FLNC: variants seen among roughly 807,000 people sequenced by gnomAD.
FLNC encodes the protein filamin C.
Under a neutral mutation model 254.3 loss-of-function variants are expected in FLNC, and 91 were observed. That is an observed-to-expected ratio of 0.36 (90% CI 0.30 to 0.43). The LOEUF is 0.43. FLNC is among the 20% of genes least tolerant of loss of function. FLNC has a pLI of 1.00. For synonymous variants in FLNC, 1,430 were observed against 1,577.2 expected, an observed-to-expected ratio of 0.91 and a Z score of 2.21; for missense variants, 2,853 against 3,802.6, an observed-to-expected ratio of 0.75 and a Z score of 6.57.
rs1250900464 is a variant in FLNC at position 128,852,818 on chromosome 7, C to T, written c.6005-10C>T. On this transcript the variant is annotated splice_polypyrimidine_tract_variant and intron_variant, in intron 36 of 47. Coordinates refer to ENST00000325888, the MANE Select transcript of FLNC (RefSeq NM_001458.5). The stretch of plus-strand genomic sequence containing the variant: ...CACAGGATGCTCTGCCTAACACCCA[C>T]TTTCCACAGGGATCTCCTTCACCCC... 5 of 1,613,860 alleles carry T rather than the reference C, an allele frequency of 3.1e-6. No individual in the cohort carries two copies. The highest frequency in any genetic ancestry group is 3.4e-6 in the Non-Finnish European group (4 of 1,180,034).
rs1284761356 is a variant in FLNC, at chr7:128,830,653, G to A, written c.16G>A (p.Gly6Ser). MMNNS[G>S]YSDAGLGLGD... ...CCGCGCCAGCATGATGAACAACAGCGGCTACTCAGACGCCGGCCTCGGCCT... is the reference window on the plus strand; with the variant it reads ...CCGCGCCAGCATGATGAACAACAGCAGCTACTCAGACGCCGGCCTCGGCCT... Residue 6 changes from glycine (G) to serine (S), a missense_variant, in exon 1 of 48, where the codon GGC becomes AGC. By Grantham distance (56) the Gly-to-Ser change is moderately conservative. Coordinates refer to ENST00000325888, the MANE Select transcript of FLNC (RefSeq NM_001458.5). The A allele has an allele frequency of 6.2e-7, 1 of 1,612,272 alleles. No individual in the cohort carries two copies. The highest frequency in any genetic ancestry group is 1.3e-5 in the African/African-American group (1 of 75,048).
chr7:128,850,018 C>T lies in FLNC; in HGVS notation c.5242C>T (p.Pro1748Ser), dbSNP rs1380018208. ...LPHEEEPSEV[P>S]QLRQPYAPPR... Reference sequence around the variant, plus strand: ...GCACGAGGAGGAGCCCTCTGAAGTGCCACAGCTGCGCCAGCCCTACGCTCC... The same window carrying T: ...GCACGAGGAGGAGCCCTCTGAAGTGTCACAGCTGCGCCAGCCCTACGCTCC... Residue 1748 changes from proline (P) to serine (S), a missense_variant, in exon 31 of 48, where the codon CCA (proline) becomes TCA (serine). Coordinates refer to ENST00000325888, the MANE Select transcript of FLNC (RefSeq NM_001458.5). The T allele has an allele frequency of 1.3e-6, 2 of 1,572,410 alleles. No individual in the cohort carries two copies. Among genetic ancestry groups the T allele is most frequent in the East Asian group, 2.3e-5 (1 of 43,186 alleles).
intron 32 of FLNC, 118 bp from the exon 33 acceptor site, chr7:128,850,685 G>A: frequency 6.7e-7 from 1 of 1,493,208 alleles, no homozygotes; most frequent in Non-Finnish European, 9.2e-7. Context: ...GCCACAGGCT[G>A]TCTCTTGATG....
chr7:128,847,563 G>A (rs773560139), intron 24 of FLNC, 134 bp from the exon 25 acceptor site: 11 of 977,892 alleles, frequency 1.1e-5, no homozygotes, highest in Non-Finnish European at 1.8e-5. Flanking sequence ...CAAGTTCCTA[G>A]CCATTTTCCC....
chr7:128,839,998 A>G (rs767087470), intron 8 of FLNC, 25 bp from the exon 9 acceptor site: 31 of 1,609,716 alleles, frequency 1.9e-5, no homozygotes, highest in Non-Finnish European at 2.6e-5. Context: ...CAGCACCCCC[A>G]ACCTCCTTTC....
chr7:128,845,381 G>A (rs1808518263), intron 21 of FLNC, 126 bp downstream of exon 21: 2 of 799,964 alleles, frequency 2.5e-6, no homozygotes, highest in Admixed American at 2.0e-5. Context: ...GGCTCTCGGA[G>A]CAGCCCCAGA....
At chr7:128,851,412 G>A (rs1808806265) in intron 34 of FLNC, 43 bp from the exon 35 acceptor site, 9 of 1,614,020 alleles carry the variant, frequency 5.6e-6, no homozygotes, top group Non-Finnish European at 7.6e-6. Flanking sequence ...AGGGGCAGGG[G>A]TGAGGGCAGG....
intron 8 of FLNC, 79 bp downstream of exon 8, chr7:128,838,882 C>T (rs534519690): frequency 8.3e-5 from 115 of 1,388,884 alleles, no homozygotes; most frequent in Middle Eastern, 2.4e-4. Context: ...AGAGCTGGGG[C>T]GGGGGTCTGC....
Position 128,838,063 on chromosome 7 carries a change from A to G in FLNC, c.1046A>G (p.Lys349Arg). 6.2e-7 allele frequency: 1 copy of G among 1,612,832 alleles called. No individual in the cohort carries two copies. The highest frequency in any genetic ancestry group is 8.5e-7 in the Non-Finnish European group (1 of 1,179,006). Residue 349 changes from lysine (K) to arginine (R), a missense_variant and splice_region_variant, in exon 6 of 48, where the codon AAG (lysine) becomes AGG (arginine). Physicochemically the swap from Lys to Arg is conservative, Grantham distance 26. Coordinates refer to ENST00000325888, the MANE Select transcript of FLNC (RefSeq NM_001458.5). ...SYVPKVAGLH[K>R]VTVLFAGQNI... ...GTGCCCAAGGTCGCTGGGTTACACA[A>G]GGTATCTCCCTCTAGGCCCCCCTGC...
rs370643162 is a variant in FLNC, at chr7:128,847,711, G to A, written c.4303G>A (p.Val1435Met). Residue 1435 changes from valine (V) to methionine (M), a missense_variant, in exon 25 of 48, where the codon GTG (valine) becomes ATG (methionine). Physicochemically the swap from Val to Met is conservative, Grantham distance 21. Coordinates refer to ENST00000325888, the MANE Select transcript of FLNC (RefSeq NM_001458.5). Reference sequence around the variant, plus strand: ...TCTCCTCACAGGGAGCCCGTTCCGCGTGCCAGTGAAGGATGTGGTGGACCC... The same window carrying A: ...TCTCCTCACAGGGAGCCCGTTCCGCATGCCAGTGAAGGATGTGGTGGACCC... Reference protein sequence around the residue: ...GRPIPGSPFRVPVKDVVDPGK... With the variant: ...GRPIPGSPFRMPVKDVVDPGK... 24 of 1,613,966 alleles carry A rather than the reference G, an allele frequency of 1.5e-5. No individual in the cohort carries two copies. The highest frequency in any genetic ancestry group is 1.8e-5 in the Non-Finnish European group (21 of 1,179,970).
In FLNC at chr7:128,840,561, G is replaced by A. The variant is rs755030209; in HGVS notation, c.1563G>A (p.Glu521=). 7.4e-6 allele frequency: 12 copies of A among 1,614,218 alleles called. No individual in the cohort carries two copies. The East Asian group carries it at 8.9e-5, about 12-fold the overall frequency. ...CCATCTCCTCAGAGGGCACAGAGGA[G>A]CCAGTGAAGGTGCGGGAGGCTGGGG... ...VTVKGPKGTE[E]PVKVREAGDG... is the part of the protein sequence containing the mutation. Residue 521 remains glutamate (E), a synonymous_variant, in exon 10 of 48, where the codon GAG becomes GAA. Coordinates refer to ENST00000325888, the MANE Select transcript of FLNC (RefSeq NM_001458.5).
chr7:128,854,898 T>C lies in FLNC; in HGVS notation c.7121T>C (p.Val2374Ala). 6.2e-7 allele frequency: 1 copy of C among 1,614,040 alleles called. No individual in the cohort carries two copies. The change falls in exon 42 of 48, where the codon GTC (valine) becomes GCC (alanine). Residue 2374 changes from valine (V) to alanine (A), a missense_variant. Around this residue, in one of 10 missense-constraint regions of FLNC, gnomAD observed 551 missense variants for 835.0 expected, o/e 0.66. Transcript: ENST00000325888. Reference sequence around the variant, plus strand: ...GATGGCTCCTGCGGCGTCTCCTATGTCGTCCAGGAACCAGGTGGGCGTCCA... The same window carrying C: ...GATGGCTCCTGCGGCGTCTCCTATGCCGTCCAGGAACCAGGTGGGCGTCCA... ...RKDGSCGVSY[V>A]VQEPGDYEVS...
Position 128,845,042 on chromosome 7 carries a change from C to G in FLNC, c.3577C>G (p.Leu1193Val). Residue 1193 changes from leucine (L) to valine (V), a missense_variant, in exon 21 of 48, where the codon CTG (leucine) becomes GTG (valine). Physicochemically the swap from Leu to Val is conservative, Grantham distance 32. Around this residue, in one of 10 missense-constraint regions of FLNC, gnomAD observed 1,573 missense variants for 1,883.5 expected, o/e 0.84. Transcript: ENST00000325888. ...AGEAELTIEILSDAGVKAEVL... is the reference protein window; with the variant it reads ...AGEAELTIEIVSDAGVKAEVL... ...CGAGGCGGAGCTGACCATTGAGATC[C>G]TGTCGGATGCCGGGGTCAAGGCCGA... The G allele has an allele frequency of 1.2e-6, 2 of 1,613,850 alleles. No individual in the cohort carries two copies. Among genetic ancestry groups the G allele is most frequent in the Non-Finnish European group, 1.7e-6 (2 of 1,180,040 alleles).
At position 128,842,266 on chromosome 7, in the gene FLNC, C is replaced by A. The variant is rs763609852; in HGVS notation, c.2157C>A (p.Ile719=). 7 of 1,613,780 alleles carry A rather than the reference C, an allele frequency of 4.3e-6. No individual in the cohort carries two copies. The South Asian group carries it at 5.5e-5, about 13-fold the overall frequency. Residue 719 remains isoleucine (I), a synonymous_variant, in exon 14 of 48, where the codon ATC becomes ATA. Transcript: ENST00000325888. The surrounding 1 kb of genome is among the most constrained non-coding windows in gnomAD (Gnocchi z 5.4). ...ADGCPIDIKV[I]PNGDGTFRCS... ...GCTGTCCCATCGACATCAAGGTGAT[C>A]CCCAACGGCGACGGCACCTTCCGCT... is the stretch of plus-strand genomic sequence containing the variant.
intron 35 of FLNC, among the ~76,000 whole-genome samples, chr7:128,852,172 C>G (rs141102443): frequency 6.6e-6 from 1 of 152,144 alleles, no homozygotes; most frequent in Non-Finnish European, 1.5e-5. Flanking sequence ...CATGAAGTCA[C>G]TCTTAAGAAG....
Position 128,856,876 on chromosome 7 carries a change from G to A in FLNC, c.7516G>A (p.Gly2506Ser), listed in dbSNP as rs1809085479. ...VGEQSQAGDP[G>S]LVSAYGPGLE... The stretch of plus-strand genomic sequence containing the variant: ...GGAGCAGAGCCAGGCTGGGGACCCA[G>A]GCTTGGTGTCAGCCTACGGTCCTGG... Residue 2506 changes from glycine (G) to serine (S), a missense_variant, in exon 45 of 48, where the codon GGC becomes AGC. Physicochemically the swap from Gly to Ser is moderately conservative, Grantham distance 56 (BLOSUM62 0). Transcript: ENST00000325888. The surrounding 1 kb of genome is among the most constrained non-coding windows in gnomAD (Gnocchi z 5.9). 1.2e-6 allele frequency: 2 copies of A among 1,614,212 alleles called. No individual in the cohort carries two copies.
Position 128,852,656 on chromosome 7 carries a change from A to G in FLNC, c.5908A>G (p.Thr1970Ala). The G allele has an allele frequency of 6.2e-7, 1 of 1,613,252 alleles. No homozygotes were observed. Among genetic ancestry groups the G allele is most frequent in the Non-Finnish European group, 8.5e-7 (1 of 1,180,002 alleles). ...CTCCACGGACGTGTCACTGAAGATC[A>G]CCGAGAGTGATCTGAGCCAGCTGAC... ...GTSTDVSLKI[T>A]ESDLSQLTAS... Residue 1970 changes from threonine to alanine, a missense_variant, in exon 36 of 48, where the codon ACC becomes GCC. Transcript: ENST00000325888.
chr7:128,855,109 GA>G, intron 42 of FLNC, 89 bp from the exon 43 acceptor site: 1 of 1,112,318 alleles, frequency 9.0e-7, no homozygotes, highest in Non-Finnish European at 1.4e-6. Flanking sequence ...GCTGACCACA[GA>G]GCCTTTCCTG....
rs1424301623 is a variant in FLNC at position 128,841,092 on chromosome 7, G to C, written c.1814-78G>C. 1.3e-6 allele frequency: 2 copies of C among 1,582,064 alleles called. No individual in the cohort carries two copies. The highest frequency in any genetic ancestry group is 1.7e-6 in the Non-Finnish European group (2 of 1,156,408). ...GGGTGAGCAGGGAGATAGGACATGA[G>C]GGCAGCTAGAGGGGAGCTGGGGGAC... On this transcript the variant is annotated intron_variant, in intron 11 of 47. Coordinates refer to ENST00000325888, the MANE Select transcript of FLNC (RefSeq NM_001458.5). The surrounding 1 kb of genome is among the most constrained non-coding windows in gnomAD (Gnocchi z 4.3).
Sources: allele counts gnomAD v4.1 joint callset (sites outside exome capture counted in the v4.1 genomes callset), GRCh38; gene constraint gnomAD v4.1.1; regional missense constraint gnomAD v4.1.1; non-coding constraint Gnocchi (gnomAD v3.1); transcripts MANE v1.5; gene names NCBI Gene and HGNC (gene_info 2026-07-23, HGNC 2026-07-21).